Variants in RHBDD1 observed in about 807,000 individuals in gnomAD.
RHBDD1 encodes the protein rhomboid-related protein 4.
In RHBDD1, 38 loss-of-function variants were observed where a neutral mutation model predicts 36.3. The ratio of observed to expected loss-of-function variants is 1.05; its 90% CI spans 0.81 to 1.37. The LOEUF (loss-of-function observed/expected upper bound fraction) is 1.37. Ranked by LOEUF, RHBDD1 falls within the 40% of genes most tolerant of loss-of-function variation. The pLI is 0.00. For synonymous variants in RHBDD1, 151 were observed against 136.5 expected, an observed-to-expected ratio of 1.11 and a Z score of -0.74; for missense variants, 393 against 377.6, an observed-to-expected ratio of 1.04 and a Z score of -0.34.
chr2:226,995,320 G>C (rs764458867), intron 8 of RHBDD1, 111 bp from the exon 9 acceptor site: 24 of 692,784 alleles, frequency 3.5e-5, no homozygotes, highest in Middle Eastern at 5.2e-4. Context: ...TCTGTTTTGT[G>C]TTAAAATGAA....
intron 5 of RHBDD1, among the ~76,000 whole-genome samples, chr2:226,877,985 G>T (rs1455694664): frequency 1.3e-5 from 2 of 152,092 alleles, no homozygotes; most frequent in African/African-American, 4.8e-5. Flanking sequence ...TTAAAAAAAA[G>T]GGCAGATCAT....
intron 8 of RHBDD1, among the ~76,000 whole-genome samples, chr2:226,976,467 G>A (rs547959780): frequency 2.0e-5 from 3 of 152,000 alleles, no homozygotes; most frequent in East Asian, 1.9e-4. Context: ...CTTTACCCAC[G>A]CCTCCTTACC....
chr2:226,918,492 C>T (rs1271295728), intron 8 of RHBDD1, among the ~76,000 whole-genome samples: 3 of 151,824 alleles, frequency 2.0e-5, no homozygotes, highest in East Asian at 1.9e-4. Context: ...ATCTGGTAAC[C>T]GTCTTTTCAC....
At chr2:226,894,096 T>G (rs1946898363) in intron 5 of RHBDD1, among the ~76,000 whole-genome samples, 1 of 152,084 alleles carries the variant, frequency 6.6e-6, no homozygotes, top group African/African-American at 2.4e-5. Context: ...TCACGTAAAC[T>G]CACATTACCC....
intron 8 of RHBDD1, among the ~76,000 whole-genome samples, chr2:226,922,450 G>A (rs1011587517): frequency 2.6e-5 from 4 of 151,830 alleles, no homozygotes; most frequent in Middle Eastern, 3.4e-3. Flanking sequence ...CTTGTGATCC[G>A]CCCACCTCGG....
At chr2:226,980,710 TG>T (rs1955531233) in intron 8 of RHBDD1, among the ~76,000 whole-genome samples, 1 of 152,332 alleles carries the variant, frequency 6.6e-6, no homozygotes, top group East Asian at 1.9e-4. Context: ...ATACTTCCAA[TG>T]AAGTTCAGAG....
chr2:226,866,751 A>G (rs1159566245), intron 4 of RHBDD1, among the ~76,000 whole-genome samples: 1 of 152,188 alleles, frequency 6.6e-6, no homozygotes, highest in East Asian at 1.9e-4. Flanking sequence ...TCCAAGATGT[A>G]TCCTTATGCA....
chr2:226,918,289 A>G (rs896989376), intron 8 of RHBDD1, among the ~76,000 whole-genome samples: 2 of 152,030 alleles, frequency 1.3e-5, no homozygotes, highest in Non-Finnish European at 2.9e-5. Flanking sequence ...TGGAGTATCC[A>G]TCACCTCAAG....
chr2:226,931,580 C>T (rs2149103444), intron 8 of RHBDD1, among the ~76,000 whole-genome samples: 1 of 152,156 alleles, frequency 6.6e-6, no homozygotes, highest in Admixed American at 6.6e-5. Flanking sequence ...ACTAAAATCT[C>T]AGACTTCACC....
intron 5 of RHBDD1, among the ~76,000 whole-genome samples, chr2:226,890,922 TTCAGATATGATGAAAC>T (rs1309317464): frequency 5.3e-5 from 8 of 152,142 alleles, no homozygotes; most frequent in Non-Finnish European, 1.2e-4. Context: ...TTCCAGGAGC[TTCAGATATGATGAAAC>T]TCAGATTCTT....
chr2:226,940,687 C>T (rs1950609278), intron 8 of RHBDD1, among the ~76,000 whole-genome samples: 1 of 152,086 alleles, frequency 6.6e-6, no homozygotes, highest in Admixed American at 6.6e-5. Context: ...TCAAATAGAA[C>T]TGTAATATGC....
chr2:226,899,786 C>G (rs1361192924), intron 5 of RHBDD1, among the ~76,000 whole-genome samples: 1 of 152,158 alleles, frequency 6.6e-6, no homozygotes. Context: ...ATTTTTTACT[C>G]TCAAATATTA....
At chr2:226,873,446 T>A (rs1040129747) in intron 5 of RHBDD1, among the ~76,000 whole-genome samples, 16 of 152,162 alleles carry the variant, frequency 1.1e-4, no homozygotes, top group Non-Finnish European at 1.8e-4. Flanking sequence ...TTCACAAGTA[T>A]AAAAGAAATA....
chr2:226,851,492 G>A (rs1240818762), intron 3 of RHBDD1, among the ~76,000 whole-genome samples: 1 of 152,044 alleles, frequency 6.6e-6, no homozygotes, highest in Non-Finnish European at 1.5e-5. Flanking sequence ...GCAGAATCAG[G>A]ACAACTAGCA....
intron 8 of RHBDD1, among the ~76,000 whole-genome samples, chr2:226,958,474 G>A (rs1951935224): frequency 6.6e-6 from 1 of 152,164 alleles, no homozygotes; most frequent in Admixed American, 6.6e-5. Context: ...TTGTGGGAAT[G>A]ATTATACAGC....
chr2:226,936,757 G>A (rs897506363), intron 8 of RHBDD1, among the ~76,000 whole-genome samples: 2 of 152,100 alleles, frequency 1.3e-5, no homozygotes, highest in Admixed American at 6.6e-5. Context: ...CCCTTCATAT[G>A]TGTCAGCATT....
intron 8 of RHBDD1, among the ~76,000 whole-genome samples, chr2:226,937,229 A>G (rs1950387556): frequency 6.6e-6 from 1 of 152,160 alleles, no homozygotes; most frequent in African/African-American, 2.4e-5. Context: ...GTACTTTACA[A>G]TAGCAATCAA....
At position 226,987,833 on chromosome 2, in the gene RHBDD1, C is replaced by T. The variant is rs1957339730; in HGVS notation, c.857-7598C>T. ...TTAAAATGAAGTTCCTGGGCTCCAACCACCACTTACTGCATCAGAATCTGT... is the reference window on the plus strand; with the variant it reads ...TTAAAATGAAGTTCCTGGGCTCCAATCACCACTTACTGCATCAGAATCTGT... On this transcript the variant is annotated intron_variant, in intron 8 of 8. Transcript: ENST00000392062. Among the ~76,000 whole-genome samples, 2 of 152,222 alleles carry T rather than the reference C, an allele frequency of 1.3e-5. 1 individual carries two copies. Among genetic ancestry groups the T allele is most frequent in the African/African-American group, 4.8e-5 (2 of 41,450 alleles).
intron 3 of RHBDD1, among the ~76,000 whole-genome samples, chr2:226,859,299 CT>C (rs990790990): frequency 6.6e-6 from 1 of 151,982 alleles, no homozygotes; most frequent in African/African-American, 2.4e-5. Flanking sequence ...CATGTACAGA[CT>C]TTTTTTTCTT....
Sources: gnomAD v4.1 joint callset for allele counts (sites outside exome capture counted in the v4.1 genomes callset) on GRCh38, gnomAD v4.1.1 for gene constraint, MANE v1.5 for transcripts, NCBI Gene and HGNC (gene_info 2026-07-23, HGNC 2026-07-21) for gene names.